GOLPH3L: variants seen among roughly 807,000 people sequenced by gnomAD.
The protein encoded by GOLPH3L is Golgi phosphoprotein 3-like.
In GOLPH3L, 22 loss-of-function variants were observed where a neutral mutation model predicts 30.3. The observed-to-expected ratio is 0.73, with a 90% confidence interval of 0.52 to 1.04. GOLPH3L has a LOEUF of 1.04. Among genes scored for constraint, GOLPH3L ranks in the 50% least tolerant of loss-of-function variants. GOLPH3L has a pLI of 0.00. For missense variants in GOLPH3L, 303 were observed against 345.8 expected (o/e 0.88, Z 0.98); for synonymous variants, 120 against 128.2 (o/e 0.94, Z 0.43).
At chr1:150,667,826 C>T (rs1347319651) in intron 2 of GOLPH3L, among the ~76,000 whole-genome samples, 1 of 151,972 alleles carries the variant, frequency 6.6e-6, no homozygotes, top group African/African-American at 2.4e-5. Context: ...GATCTCCTGA[C>T]CTCGTGACCC....
At chr1:150,667,463 T>C (rs1650532409) in intron 2 of GOLPH3L, among the ~76,000 whole-genome samples, 2 of 152,114 alleles carry the variant, frequency 1.3e-5, no homozygotes, top group East Asian at 1.9e-4. Flanking sequence ...GGAATCCAAA[T>C]GGCTAATGCA....
chr1:150,696,305 G>A (rs987470365), intron 1 of GOLPH3L, among the ~76,000 whole-genome samples: 42 of 152,132 alleles, frequency 2.8e-4, no homozygotes, highest in African/African-American at 9.9e-4. Context: ...CCTTGTGAAG[G>A]CCTTTAAGTG....
intron 2 of GOLPH3L, among the ~76,000 whole-genome samples, chr1:150,670,040 A>G (rs1392732260): frequency 6.7e-6 from 1 of 150,352 alleles, no homozygotes; most frequent in Non-Finnish European, 1.5e-5. Flanking sequence ...GTGGGTGGAT[A>G]GCCTGAGGTC....
At chr1:150,690,689 C>T (rs1397641998) in intron 2 of GOLPH3L, among the ~76,000 whole-genome samples, 1 of 152,142 alleles carries the variant, frequency 6.6e-6, no homozygotes, top group Non-Finnish European at 1.5e-5. Flanking sequence ...CAGTTATCTC[C>T]CAAACTCATC....
chr1:150,648,414 C>T lies in GOLPH3L; in HGVS notation c.765G>A (p.Lys255=). The T allele has an allele frequency of 6.2e-7, 1 of 1,613,748 alleles. No individual in the cohort carries two copies. Among genetic ancestry groups the T allele is most frequent in the Non-Finnish European group, 8.5e-7 (1 of 1,179,678 alleles). The stretch of plus-strand genomic sequence containing the variant: ...CTTCAGGGTCCAGTTCTACTAAGTC[C>T]TTGGCTCGATTCATTGCCACATCAT... ...DKYDVAMNRA[K]DLVELDPEVE... Residue 255 remains lysine, a synonymous_variant, in exon 5 of 5, where the codon AAG becomes AAA. Coordinates refer to ENST00000271732, the MANE Select transcript of GOLPH3L (RefSeq NM_018178.6).
chr1:150,662,095 T>G (rs1650381363), intron 3 of GOLPH3L, among the ~76,000 whole-genome samples, 167 bp from the exon 4 acceptor site: 1 of 152,160 alleles, frequency 6.6e-6, no homozygotes, highest in Admixed American at 6.6e-5. Context: ...GGAGTGATAG[T>G]GCAAAGACAA....
chr1:150,654,507 T>TA (rs796626110), intron 4 of GOLPH3L, among the ~76,000 whole-genome samples: 6,460 of 138,962 alleles, frequency 0.046, 422 homozygotes, highest in African/African-American at 0.15. Context: ...ACATTCCGTT[T>TA]AAAAAAAAAA....
chr1:150,666,613 C>G (rs1650513982), intron 2 of GOLPH3L, among the ~76,000 whole-genome samples: 2 of 152,174 alleles, frequency 1.3e-5, no homozygotes, highest in African/African-American at 2.4e-5. Context: ...GCTGGAATTA[C>G]AAGCATGAGC....
At chr1:150,662,321 G>A (rs1650384994) in intron 3 of GOLPH3L, among the ~76,000 whole-genome samples, 1 of 151,582 alleles carries the variant, frequency 6.6e-6, no homozygotes, top group African/African-American at 2.4e-5. Flanking sequence ...AGACCAGCCT[G>A]GGCAAAATGG....
Position 150,677,924 on chromosome 1 carries a change from C to A in GOLPH3L, c.184-14161G>T, listed in dbSNP as rs587769773. Among the ~76,000 whole-genome samples the A allele has an allele frequency of 5.3e-5, 8 of 152,012 alleles. No individual in the cohort carries two copies. The East Asian group carries it at 1.5e-3, about 29-fold the overall frequency. On this transcript the variant is annotated intron_variant, in intron 2 of 4. Coordinates refer to ENST00000271732, the MANE Select transcript of GOLPH3L (RefSeq NM_018178.6). ...TACAGGCATGAGCCACCACACCTGG[C>A]CTCAAACAGTTGTTTCTTATAAGAG...
At chr1:150,687,394 G>A (rs975982371) in intron 2 of GOLPH3L, among the ~76,000 whole-genome samples, 15 of 151,790 alleles carry the variant, frequency 9.9e-5, no homozygotes, top group African/African-American at 3.4e-4. Context: ...CCTGGCTAAC[G>A]TGGTAAAACC....
chr1:150,694,913 T>A, intron 1 of GOLPH3L, 63 bp from the exon 2 acceptor site: 1 of 798,366 alleles, frequency 1.3e-6, no homozygotes, highest in South Asian at 1.7e-5. Context: ...CATATATTCA[T>A]ACATGCATAC....
intron 4 of GOLPH3L, among the ~76,000 whole-genome samples, chr1:150,654,498 C>T (rs1650197884): frequency 6.7e-6 from 1 of 149,380 alleles, no homozygotes; most frequent in African/African-American, 2.5e-5. Flanking sequence ...CAGAGCAAGA[C>T]ATTCCGTTTA....
chr1:150,663,454 A>C (rs1470593299), intron 3 of GOLPH3L, among the ~76,000 whole-genome samples, 178 bp downstream of exon 3: 3 of 152,178 alleles, frequency 2.0e-5, no homozygotes. Context: ...AACTCTTTGG[A>C]CTATGGATAC....
chr1:150,693,784 CAATT>C (rs1251188176), intron 2 of GOLPH3L, among the ~76,000 whole-genome samples: 1 of 116,016 alleles, frequency 8.6e-6, no homozygotes, highest in African/African-American at 3.4e-5. Context: ...AAATAATCCT[CAATT>C]GTTTATGTAT....
At chr1:150,677,408 T>C (rs1339565320) in intron 2 of GOLPH3L, among the ~76,000 whole-genome samples, 1 of 151,928 alleles carries the variant, frequency 6.6e-6, no homozygotes, top group African/African-American at 2.4e-5. Flanking sequence ...GGCTAAGTTT[T>C]TGTATTTTTA....
chr1:150,652,964 T>G (rs1304817279), intron 4 of GOLPH3L, among the ~76,000 whole-genome samples: 7 of 151,968 alleles, frequency 4.6e-5, no homozygotes, highest in Non-Finnish European at 1.0e-4. Context: ...CAATGAATTG[T>G]TGAATTTGTA....
At position 150,661,875 on chromosome 1, in the gene GOLPH3L, CAG is replaced by C; in HGVS notation, c.367_368del (p.Leu123GlufsTer7). On this transcript the variant is annotated frameshift_variant, in exon 4 of 5. Transcript: ENST00000271732. LOFTEE classifies it high-confidence loss of function. ...TGGGTTCAGTTGCTTTGATGTGTTT[CAG>C]AGTTTCATCCAGTAAAACATCACCT... ...PTGDVLLDETLKHIKATEPTE... is the reference protein window; with the variant it reads ...PTGDVLLDETXKHIKATEPTE... 6.2e-7 allele frequency: 1 copy of C among 1,603,566 alleles called. No homozygotes were observed.
chr1:150,665,692 T>TATC (rs921118878), intron 2 of GOLPH3L, among the ~76,000 whole-genome samples: 1 of 152,228 alleles, frequency 6.6e-6, no homozygotes, highest in South Asian at 2.1e-4. Context: ...ATAAATTAGA[T>TATC]ATCATCATCA....
Sources: allele counts gnomAD v4.1 joint callset (sites outside exome capture counted in the v4.1 genomes callset), GRCh38; gene constraint gnomAD v4.1.1; transcripts MANE v1.5; gene names NCBI Gene and HGNC (gene_info 2026-07-23, HGNC 2026-07-21).